The following HECW2 variants were observed in gnomAD, a reference collection of about 807,000 sequenced individuals.
The protein encoded by HECW2 is HECT, C2 and WW domain containing E3 ubiquitin protein ligase 2, also known as E3 ubiquitin-protein ligase HECW2.
Under a neutral mutation model 175.2 loss-of-function variants are expected in HECW2, and 61 were observed. The observed-to-expected ratio is 0.35, with a 90% CI of 0.28 to 0.43. The LOEUF (loss-of-function observed/expected upper bound fraction) is 0.43. Ranked by LOEUF, HECW2 falls within the 20% of genes least tolerant of loss-of-function variation. The pLI, the probability that HECW2 is intolerant of heterozygous loss-of-function variation, is 1.00. For synonymous variants in HECW2, 671 were observed against 731.0 expected, an observed-to-expected ratio of 0.92 and a Z score of 1.32; for missense variants, 1,524 against 2,000.5, an observed-to-expected ratio of 0.76 and a Z score of 4.54.
At position 196,227,267 on chromosome 2, in the gene HECW2, C is replaced by T. The variant is rs370177839; in HGVS notation, c.3917+835G>A. Among the ~76,000 whole-genome samples the T allele has an allele frequency of 1.2e-4, 18 of 152,222 alleles. 1 individual carries two copies. Among genetic ancestry groups the T allele is most frequent in the African/African-American group, 4.3e-4 (18 of 41,534 alleles). On this transcript the variant is annotated intron_variant, in intron 22 of 28. Coordinates refer to ENST00000644978, the MANE Select transcript of HECW2 (RefSeq NM_001348768.2). ...ATAAGCTTTTTCCATGAATCCTGCT[C>T]ATATTCTTTCCTTTGTTGCTGTCAG...
Position 196,319,809 on chromosome 2 carries a change from G to A in HECW2, c.1081C>T (p.His361Tyr). The A allele has an allele frequency of 3.1e-6, 5 of 1,614,194 alleles. No individual in the cohort carries two copies. The highest frequency in any genetic ancestry group is 4.2e-6 in the Non-Finnish European group (5 of 1,180,026). The change falls in exon 9 of 29, where the codon CAT becomes TAT. Residue 361 changes from histidine (H) to tyrosine (Y), a missense_variant. Physicochemically the swap from His to Tyr is moderately conservative, Grantham distance 83 (BLOSUM62 2). Transcript: ENST00000644978. Reference sequence around the variant, plus strand: ...TTAGAGCACACCTGGCTGTCGTGATGGCTCCCTGGCATGTCCTCGTCATCG... The same window carrying A: ...TTAGAGCACACCTGGCTGTCGTGATAGCTCCCTGGCATGTCCTCGTCATCG... The part of the protein sequence containing the change: ...PSDDEDMPGS[H>Y]HDSQVCSNGP...
chr2:196,252,560 G>A (rs779424034), intron 19 of HECW2, among the ~76,000 whole-genome samples: 4 of 152,022 alleles, frequency 2.6e-5, no homozygotes, highest in Non-Finnish European at 5.9e-5. Context: ...GCTCTCTCTG[G>A]CTCCCACTCT....
chr2:196,557,727 T>C (rs1433867199), intron 1 of HECW2, among the ~76,000 whole-genome samples: 1 of 152,154 alleles, frequency 6.6e-6, no homozygotes, highest in Non-Finnish European at 1.5e-5. Flanking sequence ...ATATAATGAG[T>C]GAAAAATGCA....
chr2:196,448,800 C>T (rs10183959), intron 1 of HECW2, among the ~76,000 whole-genome samples: 18,446 of 152,184 alleles, frequency 0.12, 1,405 homozygotes, highest in African/African-American at 0.22. Flanking sequence ...CCTGACAACT[C>T]GTTGATAAGC....
chr2:196,273,981 GCA>G, intron 16 of HECW2, 38 bp downstream of exon 16: 2 of 1,408,538 alleles, frequency 1.4e-6, no homozygotes, highest in Non-Finnish European at 2.0e-6. Flanking sequence ...ACAGATAATG[GCA>G]CAAAAGGACA....
At chr2:196,228,992 T>C (rs1690485018) in intron 21 of HECW2, among the ~76,000 whole-genome samples, 1 of 152,158 alleles carries the variant, frequency 6.6e-6, no homozygotes, top group South Asian at 2.1e-4. Context: ...TAAGAAAAGA[T>C]TGTGTTAGGT....
At chr2:196,251,657 T>C (rs1688858442) in intron 19 of HECW2, among the ~76,000 whole-genome samples, 1 of 152,162 alleles carries the variant, frequency 6.6e-6, no homozygotes, top group Non-Finnish European at 1.5e-5. Context: ...CTTCCCTACC[T>C]CTACTCAAAG....
intron 2 of HECW2, among the ~76,000 whole-genome samples, chr2:196,355,380 G>A (rs376164281): frequency 2.6e-5 from 4 of 152,090 alleles, no homozygotes; most frequent in African/African-American, 9.7e-5. Flanking sequence ...TTGGTAGCTC[G>A]GTAAACACCT....
At chr2:196,308,216 G>T in intron 10 of HECW2, 131 bp from the exon 11 acceptor site, 1 of 591,102 alleles carries the variant, frequency 1.7e-6, no homozygotes, top group Non-Finnish European at 2.8e-6. Flanking sequence ...ACATCTCACT[G>T]CACTATCCCA....
intron 1 of HECW2, among the ~76,000 whole-genome samples, chr2:196,508,270 A>C (rs1410038517): frequency 6.6e-6 from 1 of 152,236 alleles, no homozygotes; most frequent in African/African-American, 2.4e-5. Flanking sequence ...ACAGTTAATA[A>C]ACCATCTGTG....
At chr2:196,539,262 T>C (rs1689125509) in intron 1 of HECW2, among the ~76,000 whole-genome samples, 1 of 152,150 alleles carries the variant, frequency 6.6e-6, no homozygotes, top group Non-Finnish European at 1.5e-5. Context: ...CTCCCATCCT[T>C]CCTCACAGGA....
At chr2:196,418,585 A>T (rs1380515417) in intron 2 of HECW2, among the ~76,000 whole-genome samples, 9 of 152,238 alleles carry the variant, frequency 5.9e-5, no homozygotes, top group Admixed American at 5.9e-4. Flanking sequence ...TCAGGAAAAC[A>T]TCTATGACTG....
In HECW2 at chr2:196,255,350, C is replaced by T. The variant is rs79120738; in HGVS notation, c.3420-1321G>A. Among the ~76,000 whole-genome samples the T allele has an allele frequency of 5.1e-3, 779 of 151,708 alleles. 6 individuals carry two copies. The highest frequency in any genetic ancestry group is 0.018 in the African/African-American group (744 of 41,416). On this transcript the variant is annotated intron_variant, in intron 18 of 28. Coordinates refer to ENST00000644978, the MANE Select transcript of HECW2 (RefSeq NM_001348768.2). ...TTCCAGTTGATTATCTTTCTTTATG[C>T]CTTTATATGTGGTATCTTTCATTAT... is the stretch of plus-strand genomic sequence containing the variant.
chr2:196,503,907 T>A (rs1203943269), intron 1 of HECW2, among the ~76,000 whole-genome samples: 1 of 152,162 alleles, frequency 6.6e-6, no homozygotes, highest in East Asian at 1.9e-4. Flanking sequence ...CTTGTGAGAC[T>A]TCCAACTGCA....
rs149478764 is a variant in HECW2, at chr2:196,318,449, C to G, written c.2338+103G>C. The G allele has an allele frequency of 6.2e-6, 8 of 1,284,290 alleles. No homozygotes were observed. The Admixed American group carries it at 2.4e-4, about 39-fold the overall frequency. The allele number at this position is 1,284,290 out of a possible 1,614,324, so 79.6% of individuals were successfully genotyped here. A position where few individuals can be genotyped will look rare whatever the true frequency, so the allele number is the denominator to read the frequency against. On this transcript the variant is annotated intron_variant, in intron 9 of 28. Transcript: ENST00000644978. ...GAACCTCAAGGTGAGGAATTCAGGT[C>G]ATATGTAACCTGCAGCCTTATTTAC... is the stretch of plus-strand genomic sequence containing the variant.
intron 1 of HECW2, among the ~76,000 whole-genome samples, chr2:196,555,435 C>T (rs550257623): frequency 6.6e-6 from 1 of 152,270 alleles, no homozygotes; most frequent in South Asian, 2.1e-4. Flanking sequence ...AGGCCACCTC[C>T]TAATACCATC....
chr2:196,588,300 T>C (rs1220338353), intron 1 of HECW2, among the ~76,000 whole-genome samples: 2 of 152,222 alleles, frequency 1.3e-5, no homozygotes, highest in Non-Finnish European at 2.9e-5. Flanking sequence ...TACATATTAC[T>C]TGAATGAACA....
At chr2:196,426,550 T>A (rs1420200392) in intron 2 of HECW2, among the ~76,000 whole-genome samples, 4 of 152,146 alleles carry the variant, frequency 2.6e-5, no homozygotes, top group Non-Finnish European at 5.9e-5. Flanking sequence ...TTGTCTTCTT[T>A]TGAGAAGTGT....
chr2:196,426,106 A>G (rs1695539143), intron 2 of HECW2, among the ~76,000 whole-genome samples: 2 of 152,162 alleles, frequency 1.3e-5, no homozygotes, highest in Non-Finnish European at 2.9e-5. Context: ...ATGATCATTA[A>G]CATTTTTTTA....
Sources: allele counts gnomAD v4.1 joint callset (sites outside exome capture counted in the v4.1 genomes callset), GRCh38; gene constraint gnomAD v4.1.1; transcripts MANE v1.5; gene names NCBI Gene and HGNC (gene_info 2026-07-23, HGNC 2026-07-21).